The following HECW1 variants were observed in gnomAD, a reference collection of about 807,000 sequenced individuals.
HECW1 encodes the protein E3 ubiquitin-protein ligase HECW1.
HECW1 carries 61 observed loss-of-function variants against 182.3 expected under a neutral mutation model. That is an observed-to-expected ratio of 0.33 (90% CI 0.27 to 0.41). The LOEUF is 0.41. Among genes scored for constraint, HECW1 ranks in the 10% least tolerant of loss-of-function variants. HECW1 has a pLI of 1.00. For synonymous variants in HECW1, 859 were observed against 832.6 expected (o/e 1.03, Z -0.55); for missense variants, 1,739 against 2,108.9 (o/e 0.82, Z 3.44).
intron 14 of HECW1, among the ~76,000 whole-genome samples, chr7:43,464,970 T>C (rs2077714478): frequency 6.6e-6 from 1 of 151,882 alleles, no homozygotes; most frequent in Admixed American, 6.6e-5. Flanking sequence ...CCTGGCTAAT[T>C]TTTTCATTTT....
At chr7:43,307,476 G>A (rs1807727547) in intron 3 of HECW1, among the ~76,000 whole-genome samples, 1 of 152,122 alleles carries the variant, frequency 6.6e-6, no homozygotes, top group South Asian at 2.1e-4. Flanking sequence ...TCTCCTGTTG[G>A]GGAGATCTGC....
chr7:43,179,047 T>C (rs7781550), intron 2 of HECW1, among the ~76,000 whole-genome samples: 45,830 of 152,154 alleles, frequency 0.3, 7,008 homozygotes, highest in Admixed American at 0.34. Flanking sequence ...GCCAGGCCCT[T>C]CACAAGTAAC....
At chr7:43,530,120 T>TC (rs1357120088) in intron 24 of HECW1, among the ~76,000 whole-genome samples, 5 of 146,564 alleles carry the variant, frequency 3.4e-5, no homozygotes, top group Non-Finnish European at 7.5e-5. Context: ...TGGCTAATTT[T>TC]TTTTTTTTTT....
Position 43,445,024 on chromosome 7 carries a change from G to T in HECW1, c.1852G>T (p.Glu618Ter). 6.4e-7 allele frequency: 1 copy of T among 1,563,162 alleles called. No homozygotes were observed. Residue 618 changes from glutamate (E) to a stop codon, truncating the protein, a stop_gained, in exon 11 of 30, where the codon GAA becomes TAA. Transcript: ENST00000395891. LOFTEE classifies it high-confidence loss of function. ...ADPSALEEDR[E>*]EPEGATPGTA... Reference sequence around the variant, plus strand: ...CCCGTCTGCCCTGGAAGAGGACAGAGAAGAGCCCGAGGGGGCTACTCCAGG... The same window carrying T: ...CCCGTCTGCCCTGGAAGAGGACAGATAAGAGCCCGAGGGGGCTACTCCAGG...
intron 2 of HECW1, among the ~76,000 whole-genome samples, chr7:43,177,117 C>CT (rs374100320): frequency 1.3e-5 from 2 of 151,740 alleles, no homozygotes; most frequent in East Asian, 1.9e-4. Context: ...TGCATATAAA[C>CT]TTTTTTTTTC....
chr7:43,252,010 C>T (rs940266605), intron 3 of HECW1, among the ~76,000 whole-genome samples: 3 of 152,150 alleles, frequency 2.0e-5, no homozygotes, highest in African/African-American at 7.2e-5. Context: ...CAGCATCCAG[C>T]AGTATCCTCC....
chr7:43,493,554 G>GTGT (rs2079013777), intron 19 of HECW1, among the ~76,000 whole-genome samples: 1 of 152,086 alleles, frequency 6.6e-6, no homozygotes, highest in South Asian at 2.1e-4. Flanking sequence ...TTGAGCAGCC[G>GTGT]TGTTCGAAAA....
At chr7:43,343,328 G>A (rs1183217642) in intron 5 of HECW1, among the ~76,000 whole-genome samples, 5 of 150,024 alleles carry the variant, frequency 3.3e-5, no homozygotes, top group Admixed American at 6.6e-5. Flanking sequence ...GTGCAGGTTT[G>A]TTACATAGGT....
At chr7:43,334,505 A>G (rs1811884052) in intron 5 of HECW1, among the ~76,000 whole-genome samples, 1 of 152,220 alleles carries the variant, frequency 6.6e-6, no homozygotes, top group Non-Finnish European at 1.5e-5. Context: ...AGACACAAAC[A>G]ACCCTTATCC....
intron 3 of HECW1, among the ~76,000 whole-genome samples, chr7:43,309,815 G>A (rs1356783117): frequency 6.6e-6 from 1 of 152,232 alleles, no homozygotes; most frequent in East Asian, 1.9e-4. Context: ...AAGGAAGCCT[G>A]TTCAGTGACG....
intron 21 of HECW1, among the ~76,000 whole-genome samples, chr7:43,505,323 T>C (rs74404930): frequency 6.6e-6 from 1 of 152,114 alleles, no homozygotes; most frequent in Non-Finnish European, 1.5e-5. Context: ...TAAATACATC[T>C]CCTCTCTGCC....
intron 9 of HECW1, chr7:43,438,351 G>A (rs912507682): frequency 2.3e-6 from 1 of 436,298 alleles, no homozygotes; most frequent in South Asian, 4.9e-5. Context: ...CACTTGATGT[G>A]TAACACTGGT....
intron 3 of HECW1, among the ~76,000 whole-genome samples, chr7:43,245,008 T>C (rs1196446426): frequency 6.6e-6 from 1 of 152,350 alleles, no homozygotes; most frequent in Non-Finnish European, 1.5e-5. Context: ...TGCCTACTCA[T>C]GCAGAGGGCA....
intron 24 of HECW1, among the ~76,000 whole-genome samples, chr7:43,531,643 C>T (rs1272749684): frequency 6.6e-6 from 1 of 152,040 alleles, no homozygotes; most frequent in African/African-American, 2.4e-5. Context: ...TCTCTCCAGC[C>T]AGCTTCCTCC....
intron 16 of HECW1, 62 bp from the exon 17 acceptor site, chr7:43,479,548 C>A: frequency 1.2e-6 from 2 of 1,602,672 alleles, no homozygotes; most frequent in East Asian, 4.5e-5. Context: ...CTGTATATTA[C>A]TGACTCCATT....
intron 2 of HECW1, among the ~76,000 whole-genome samples, chr7:43,160,824 G>A: frequency 6.6e-6 from 1 of 152,210 alleles, no homozygotes; most frequent in Non-Finnish European, 1.5e-5. Context: ...TCAGGGACAA[G>A]CTCTTTTGTT....
intron 11 of HECW1, among the ~76,000 whole-genome samples, chr7:43,449,800 C>T (rs1388579365): frequency 1.3e-5 from 2 of 152,200 alleles, no homozygotes; most frequent in Non-Finnish European, 2.9e-5. Context: ...GAAAAAAGGG[C>T]CATCCTTTGT....
intron 6 of HECW1, among the ~76,000 whole-genome samples, chr7:43,390,186 G>A (rs2074966551): frequency 6.6e-6 from 1 of 152,104 alleles, no homozygotes; most frequent in South Asian, 2.1e-4. Context: ...TTGTCTTCAA[G>A]GTGGTAAAGA....
At chr7:43,319,215 G>T (rs1328547862) in intron 4 of HECW1, among the ~76,000 whole-genome samples, 1 of 151,534 alleles carries the variant, frequency 6.6e-6, no homozygotes, top group Non-Finnish European at 1.5e-5. Context: ...GTGAAACCCC[G>T]TCTCTACTAA....
Sources: gnomAD v4.1 joint callset for allele counts (sites outside exome capture counted in the v4.1 genomes callset) on GRCh38, gnomAD v4.1.1 for gene constraint, MANE v1.5 for transcripts, NCBI Gene and HGNC (gene_info 2026-07-23, HGNC 2026-07-21) for gene names.